Variants in EPHA7 observed in about 807,000 individuals in gnomAD.
EPHA7 encodes EPH receptor A7.
A neutral mutation model predicts 112.6 loss-of-function variants in EPHA7; 25 were observed. The observed-to-expected ratio is 0.22, with a 90% CI of 0.16 to 0.31. The LOEUF is 0.31. EPHA7 is among the 10% of genes least tolerant of loss of function. EPHA7 has a pLI of 1.00. For missense variants in EPHA7, 962 were observed against 1,212.6 expected, an observed-to-expected ratio of 0.79 and a Z score of 3.07; for synonymous variants, 437 against 406.5, an observed-to-expected ratio of 1.07 and a Z score of -0.90.
chr6:93,243,420 T>C lies in EPHA7; in HGVS notation c.*6A>G, dbSNP rs757903473. 8 of 1,600,672 alleles carry C rather than the reference T, an allele frequency of 5.0e-6. No individual in the cohort carries two copies. Among genetic ancestry groups the C allele is most frequent in the South Asian group, 3.3e-5 (3 of 90,830 alleles). On this transcript the variant is annotated 3_prime_UTR_variant, in exon 17 of 17. Coordinates refer to ENST00000369303, the MANE Select transcript of EPHA7 (RefSeq NM_004440.4). ...TGTAATCTCCCTTAAAAGGGAGAAA[T>C]GCATATCACACTTGAATGCCAGTTC...
At chr6:93,350,070 T>C (rs186589098) in intron 5 of EPHA7, among the ~76,000 whole-genome samples, 13 of 152,064 alleles carry the variant, frequency 8.5e-5, no homozygotes, top group Admixed American at 2.6e-4. Flanking sequence ...GGCTGAGAAA[T>C]TAGATCTGGG....
chr6:93,324,158 G>T (rs1174095571), intron 5 of EPHA7, among the ~76,000 whole-genome samples: 2 of 151,282 alleles, frequency 1.3e-5, no homozygotes, highest in Non-Finnish European at 3.0e-5. Context: ...TACTGTTAAT[G>T]GATAGACTGA....
chr6:93,243,975 G>A (rs1769798231), intron 16 of EPHA7, among the ~76,000 whole-genome samples: 2 of 152,178 alleles, frequency 1.3e-5, no homozygotes, highest in South Asian at 4.1e-4. Context: ...ACTCATCAAT[G>A]ACCATGTAAG....
At chr6:93,359,120 T>C (rs1220166652) in intron 3 of EPHA7, among the ~76,000 whole-genome samples, 2 of 152,128 alleles carry the variant, frequency 1.3e-5, no homozygotes, top group African/African-American at 4.8e-5. Context: ...TGGCCCTGTT[T>C]GTCCTCTGCC....
intron 14 of EPHA7, among the ~76,000 whole-genome samples, chr6:93,253,912 T>G (rs1231026317): frequency 1.3e-5 from 2 of 152,086 alleles, no homozygotes; most frequent in Non-Finnish European, 2.9e-5. Flanking sequence ...AAACTCAACC[T>G]AATAAAAGCA....
intron 5 of EPHA7, among the ~76,000 whole-genome samples, chr6:93,344,825 G>T (rs1329273248): frequency 6.6e-6 from 1 of 151,302 alleles, no homozygotes; most frequent in East Asian, 1.9e-4. Flanking sequence ...CCCCTCTTTG[G>T]TCTTTGTCAT....
chr6:93,271,294 A>G (rs1327655504), intron 6 of EPHA7, among the ~76,000 whole-genome samples: 1 of 151,826 alleles, frequency 6.6e-6, no homozygotes, highest in Non-Finnish European at 1.5e-5. Flanking sequence ...AAAAAAACAA[A>G]GGTATCTATT....
At position 93,342,048 on chromosome 6, in the gene EPHA7, G is replaced by A. The variant is rs868385661; in HGVS notation, c.1324+14669C>T. On this transcript the variant is annotated intron_variant, in intron 5 of 16. Coordinates refer to ENST00000369303, the MANE Select transcript of EPHA7 (RefSeq NM_004440.4). ...GGTCTGTCTGCCAGCAATAAAGGCCGAAATTGGATACTTGGTGAGATTAAT... is the reference window on the plus strand; with the variant it reads ...GGTCTGTCTGCCAGCAATAAAGGCCAAAATTGGATACTTGGTGAGATTAAT... Among the ~76,000 whole-genome samples, 13 of 151,860 alleles carry A rather than the reference G, an allele frequency of 8.6e-5. No homozygotes were observed. In the Middle Eastern group the frequency reaches 0.02, roughly 238 times the overall value.
chr6:93,326,244 G>C (rs566351633), intron 5 of EPHA7, among the ~76,000 whole-genome samples: 1 of 151,396 alleles, frequency 6.6e-6, no homozygotes, highest in South Asian at 2.1e-4. Context: ...TGAATATCCA[G>C]CCCTCAGCAA....
rs1293813544 is a variant in EPHA7 at position 93,241,270 on chromosome 6, G to A, written c.*2156C>T. 1 of 220,204 alleles carries A rather than the reference G, an allele frequency of 4.5e-6. No individual in the cohort carries two copies. Among genetic ancestry groups the A allele is most frequent in the Non-Finnish European group, 9.1e-6 (1 of 109,718 alleles). The allele number at this position is 220,204 out of a possible 1,614,324, so 13.6% of individuals were successfully genotyped here. ...AAGAACTTCATTATTAGTGAGTCTAGAATCCAAAAGGAATTAAGAACACTC... is the reference window on the plus strand; with the variant it reads ...AAGAACTTCATTATTAGTGAGTCTAAAATCCAAAAGGAATTAAGAACACTC... On this transcript the variant is annotated 3_prime_UTR_variant, in exon 17 of 17. Coordinates refer to ENST00000369303, the MANE Select transcript of EPHA7 (RefSeq NM_004440.4).
intron 12 of EPHA7, 121 bp downstream of exon 12, chr6:93,257,339 GAC>G: frequency 1.6e-6 from 1 of 624,554 alleles, no homozygotes; most frequent in Middle Eastern, 4.6e-4. Flanking sequence ...GATTTTCAAA[GAC>G]AATCTTCTAA....
intron 5 of EPHA7, among the ~76,000 whole-genome samples, chr6:93,275,622 T>C (rs1233943545): frequency 6.6e-6 from 1 of 151,960 alleles, no homozygotes; most frequent in Non-Finnish European, 1.5e-5. Context: ...CCTTAGGAAA[T>C]TCAAAATTTG....
chr6:93,356,331 T>C (rs1264446304), intron 5 of EPHA7, among the ~76,000 whole-genome samples: 1 of 151,706 alleles, frequency 6.6e-6, no homozygotes, highest in East Asian at 1.9e-4. Context: ...CCTCAGCCTC[T>C]CAAGTAACTG....
At chr6:93,352,006 A>G (rs1295485479) in intron 5 of EPHA7, among the ~76,000 whole-genome samples, 17 of 152,092 alleles carry the variant, frequency 1.1e-4, no homozygotes, top group Middle Eastern at 3.2e-3. Flanking sequence ...ATATCAAATA[A>G]TAAGTCTTTT....
rs1446142176 is a variant in EPHA7 at position 93,359,182 on chromosome 6, G to T, written c.833-771C>A. 2.0e-5 allele frequency among the ~76,000 whole-genome samples: 3 copies of T among 152,088 alleles called. No homozygotes were observed. The South Asian group carries it at 6.2e-4, about 31-fold the overall frequency. On this transcript the variant is annotated intron_variant, in intron 3 of 16. Coordinates refer to ENST00000369303, the MANE Select transcript of EPHA7 (RefSeq NM_004440.4). ...TAACACAGCAACTTTTCTCAGCAAC[G>T]AACAGAGATGGACAGCGAGCATTTC...
At chr6:93,323,235 G>A (rs1420337431) in intron 5 of EPHA7, among the ~76,000 whole-genome samples, 1 of 151,478 alleles carries the variant, frequency 6.6e-6, no homozygotes, top group African/African-American at 2.4e-5. Flanking sequence ...CTAAAATTTA[G>A]GAGTAAACAC....
At chr6:93,261,318 T>C (rs1044904050) in intron 9 of EPHA7, among the ~76,000 whole-genome samples, 3 of 151,602 alleles carry the variant, frequency 2.0e-5, no homozygotes, top group African/African-American at 4.8e-5. Flanking sequence ...AAATGGTTGC[T>C]TTCAAGTTTC....
chr6:93,255,443 C>A (rs1465891219), intron 13 of EPHA7, among the ~76,000 whole-genome samples: 1 of 152,118 alleles, frequency 6.6e-6, no homozygotes, highest in African/African-American at 2.4e-5. Flanking sequence ...AATACATTCT[C>A]ACATATTTTC....
intron 5 of EPHA7, among the ~76,000 whole-genome samples, chr6:93,320,973 T>G (rs1774040511): frequency 1.3e-5 from 2 of 151,976 alleles, no homozygotes; most frequent in African/African-American, 4.8e-5. Flanking sequence ...TTTTGTATCA[T>G]GTAATAATTG....
Sources: allele counts gnomAD v4.1 joint callset (sites outside exome capture counted in the v4.1 genomes callset), GRCh38; gene constraint gnomAD v4.1.1; transcripts MANE v1.5; gene names NCBI Gene and HGNC (gene_info 2026-07-23, HGNC 2026-07-21).